The following L3MBTL4 variants were observed in gnomAD, a reference collection of about 807,000 sequenced individuals.
The protein encoded by L3MBTL4 is L3MBTL histone methyl-lysine binding protein 4.
A neutral mutation model predicts 84.5 loss-of-function variants in L3MBTL4; 70 were observed. The observed-to-expected ratio is 0.83, with a 90% CI of 0.68 to 1.01. The LOEUF (loss-of-function observed/expected upper bound fraction) is 1.01. Ranked by LOEUF, L3MBTL4 falls within the 50% of genes least tolerant of loss-of-function variation. The probability of loss-of-function intolerance (pLI) is 0.00; values close to 1 mark genes in which losing one functional copy is unlikely to be tolerated. For synonymous variants in L3MBTL4, 274 were observed against 259.8 expected, an observed-to-expected ratio of 1.05 and a Z score of -0.52; for missense variants, 715 against 754.8, an observed-to-expected ratio of 0.95 and a Z score of 0.62.
At chr18:6,028,407 G>A (rs1459316604) in intron 16 of L3MBTL4, among the ~76,000 whole-genome samples, 1 of 152,124 alleles carries the variant, frequency 6.6e-6, no homozygotes, top group Admixed American at 6.5e-5. Flanking sequence ...ATCTGTTTTG[G>A]TAACAGTACC....
At chr18:5,968,933 T>C (rs2052493272) in intron 17 of L3MBTL4, among the ~76,000 whole-genome samples, 1 of 152,166 alleles carries the variant, frequency 6.6e-6, no homozygotes, top group Non-Finnish European at 1.5e-5. Flanking sequence ...TGAGTGTGCC[T>C]GGATCCCATA....
At chr18:6,338,902 C>CT (rs1318838808) in intron 1 of L3MBTL4, among the ~76,000 whole-genome samples, 2 of 152,082 alleles carry the variant, frequency 1.3e-5, no homozygotes, top group Admixed American at 6.6e-5. Flanking sequence ...TTACCAAATA[C>CT]TTTTTAAAAG....
At chr18:6,081,117 A>G (rs1023581976) in intron 15 of L3MBTL4, 166 bp from the exon 16 acceptor site, 1 of 493,304 alleles carries the variant, frequency 2.0e-6, no homozygotes. Flanking sequence ...AGATTTTAAA[A>G]ACACACTTCT....
chr18:6,263,215 G>T (rs998427260), intron 5 of L3MBTL4, among the ~76,000 whole-genome samples: 3 of 147,870 alleles, frequency 2.0e-5, no homozygotes, highest in African/African-American at 7.5e-5. Flanking sequence ...GTTGCCACGA[G>T]CCAAGATCAT....
At chr18:6,169,468 G>A (rs558371602) in intron 13 of L3MBTL4, among the ~76,000 whole-genome samples, 4 of 152,070 alleles carry the variant, frequency 2.6e-5, no homozygotes, top group Non-Finnish European at 5.9e-5. Context: ...AGAAAATGTG[G>A]CACATATACA....
chr18:6,407,465 G>A (rs1046278317), intron 1 of L3MBTL4, among the ~76,000 whole-genome samples: 2 of 152,200 alleles, frequency 1.3e-5, no homozygotes, highest in African/African-American at 4.8e-5. Context: ...GAAGTACTAT[G>A]CTGGCATCTC....
intron 18 of L3MBTL4, among the ~76,000 whole-genome samples, chr18:5,958,015 A>AGTT (rs2095237658): frequency 1.7e-5 from 1 of 59,738 alleles, no homozygotes; most frequent in Admixed American, 1.6e-4. Context: ...AAGGAGGAGG[A>AGTT]GGAGAAGGAG....
intron 14 of L3MBTL4, among the ~76,000 whole-genome samples, chr18:6,123,890 G>A (rs2059605508): frequency 6.6e-6 from 1 of 152,208 alleles, no homozygotes; most frequent in Admixed American, 6.5e-5. Context: ...CGAAATGACA[G>A]TTTCCATTCC....
At chr18:6,101,945 G>A (rs2058847352) in intron 14 of L3MBTL4, among the ~76,000 whole-genome samples, 2 of 152,062 alleles carry the variant, frequency 1.3e-5, no homozygotes, top group Admixed American at 1.3e-4. Flanking sequence ...TCTGACCCCA[G>A]GCCACCTTTT....
intron 14 of L3MBTL4, among the ~76,000 whole-genome samples, chr18:6,109,801 A>G (rs887598829): frequency 6.6e-6 from 1 of 152,158 alleles, no homozygotes; most frequent in African/African-American, 2.4e-5. Flanking sequence ...TTTAAAAATG[A>G]GAGAGATTTT....
intron 5 of L3MBTL4, among the ~76,000 whole-genome samples, chr18:6,245,099 C>T (rs2047604005): frequency 6.6e-6 from 1 of 152,102 alleles, no homozygotes; most frequent in African/African-American, 2.4e-5. Flanking sequence ...CGGGGTTTCA[C>T]CATCTTGGCT....
intron 5 of L3MBTL4, among the ~76,000 whole-genome samples, chr18:6,248,383 G>A (rs2047776422): frequency 6.6e-6 from 1 of 152,074 alleles, no homozygotes; most frequent in African/African-American, 2.4e-5. Context: ...TCTCTCTTCA[G>A]TAAAGTTACA....
intron 1 of L3MBTL4, among the ~76,000 whole-genome samples, chr18:6,386,646 G>A (rs1347399847): frequency 6.6e-6 from 1 of 152,176 alleles, no homozygotes; most frequent in Non-Finnish European, 1.5e-5. Flanking sequence ...AGTGGAAACT[G>A]ACCTGTGTGA....
At chr18:6,145,483 CA>C (rs139752128) in intron 13 of L3MBTL4, among the ~76,000 whole-genome samples, 5 of 148,142 alleles carry the variant, frequency 3.4e-5, no homozygotes, top group Non-Finnish European at 3.0e-5. Flanking sequence ...TGGCCAGCAT[CA>C]AAAAAAAAGA....
chr18:6,014,253 C>T (rs544992055), intron 16 of L3MBTL4, among the ~76,000 whole-genome samples: 3 of 152,210 alleles, frequency 2.0e-5, no homozygotes, highest in African/African-American at 7.2e-5. Context: ...TCTACCGTCT[C>T]TTAAAATTTC....
At chr18:6,315,055 A>G (rs1826681074) in intron 1 of L3MBTL4, among the ~76,000 whole-genome samples, 2 of 152,248 alleles carry the variant, frequency 1.3e-5, no homozygotes, top group South Asian at 4.1e-4. Flanking sequence ...TAAGAAATAT[A>G]CATAAATGAA....
intron 16 of L3MBTL4, among the ~76,000 whole-genome samples, chr18:6,004,608 A>G (rs2145308790): frequency 6.6e-6 from 1 of 152,324 alleles, no homozygotes; most frequent in African/African-American, 2.4e-5. Context: ...AAGAAATCCT[A>G]ACATGTCCAC....
intron 16 of L3MBTL4, among the ~76,000 whole-genome samples, chr18:5,984,928 G>A (rs1351681019): frequency 6.6e-6 from 1 of 151,882 alleles, no homozygotes; most frequent in Non-Finnish European, 1.5e-5. Context: ...ACTGCTGCTT[G>A]GGCCTCAAAC....
At chr18:5,994,991 T>C (rs565959749) in intron 16 of L3MBTL4, among the ~76,000 whole-genome samples, 14 of 152,368 alleles carry the variant, frequency 9.2e-5, no homozygotes, top group African/African-American at 3.1e-4. Flanking sequence ...TCTGATTTAG[T>C]GAGACTTTAT....
Sources: allele counts gnomAD v4.1 joint callset (sites outside exome capture counted in the v4.1 genomes callset), GRCh38; gene constraint gnomAD v4.1.1; transcripts MANE v1.5; gene names NCBI Gene and HGNC (gene_info 2026-07-23, HGNC 2026-07-21).